Variants in BTBD16 observed in about 807,000 individuals in gnomAD.
BTBD16 encodes the protein BTB domain containing 16, also known as BTB/POZ domain-containing protein 16.
In BTBD16, 66 loss-of-function variants were observed where a neutral mutation model predicts 67.4. That is an observed-to-expected ratio of 0.98 (90% CI 0.80 to 1.20). The LOEUF is 1.20. Among genes scored for constraint, BTBD16 ranks in the 50% most tolerant of loss-of-function variants. BTBD16 has a pLI of 0.00. For synonymous variants in BTBD16, 242 were observed against 236.4 expected, an observed-to-expected ratio of 1.02 and a Z score of -0.22; for missense variants, 634 against 616.0, an observed-to-expected ratio of 1.03 and a Z score of -0.31.
At chr10:122,278,396 C>T (rs1462143270) in intron 3 of BTBD16, among the ~76,000 whole-genome samples, 2 of 152,170 alleles carry the variant, frequency 1.3e-5, no homozygotes, top group Non-Finnish European at 2.9e-5. Context: ...CCTCATCTTT[C>T]AAATGGTTAT....
chr10:122,289,316 G>A (rs56707544), intron 5 of BTBD16, among the ~76,000 whole-genome samples: 16,757 of 152,178 alleles, frequency 0.11, 1,594 homozygotes, highest in African/African-American at 0.26. Context: ...TCAGTTTCTC[G>A]GTTTTGACCA....
In BTBD16 at chr10:122,290,016, T is replaced by C. The variant is rs2096371029; in HGVS notation, c.475+18T>C. On this transcript the variant is annotated intron_variant, in intron 6 of 15. Coordinates refer to ENST00000260723, the MANE Select transcript of BTBD16 (RefSeq NM_144587.5). ...TAAAGTCGGTATGTATATACCCGTC[T>C]ATATTCTGAGAATGCCATTGAACAA... 6.6e-7 allele frequency: 1 copy of C among 1,511,478 alleles called. No individual in the cohort carries two copies. The highest frequency in any genetic ancestry group is 9.1e-7 in the Non-Finnish European group (1 of 1,094,636). The allele number at this position is 1,511,478 out of a possible 1,614,324, so 93.6% of individuals were successfully genotyped here.
intron 7 of BTBD16, among the ~76,000 whole-genome samples, chr10:122,293,518 G>A (rs554466316): frequency 6.6e-6 from 1 of 152,188 alleles, no homozygotes; most frequent in South Asian, 2.1e-4. Flanking sequence ...TGGTCAGACT[G>A]TGGGGTTAGG....
chr10:122,308,346 G>A (rs1308289116), intron 10 of BTBD16, among the ~76,000 whole-genome samples: 2 of 152,088 alleles, frequency 1.3e-5, no homozygotes, highest in East Asian at 3.9e-4. Context: ...GCAGGCACAG[G>A]GGTGTTTCTC....
chr10:122,277,650 G>A (rs924179730), intron 3 of BTBD16, among the ~76,000 whole-genome samples: 4 of 152,054 alleles, frequency 2.6e-5, no homozygotes, highest in Non-Finnish European at 5.9e-5. Context: ...GCAAGAGAGA[G>A]GAGAGAGGGG....
intron 1 of BTBD16, among the ~76,000 whole-genome samples, chr10:122,273,600 T>C (rs2096334029): frequency 6.6e-6 from 1 of 152,006 alleles, no homozygotes; most frequent in Non-Finnish European, 1.5e-5. Flanking sequence ...ATTAAAAAAT[T>C]AGCCAGGTGT....
At chr10:122,286,776 G>T (rs1261985504) in intron 5 of BTBD16, among the ~76,000 whole-genome samples, 3 of 151,994 alleles carry the variant, frequency 2.0e-5, no homozygotes, top group African/African-American at 7.3e-5. Context: ...CCTTATTCCA[G>T]AAAGAATGTA....
intron 10 of BTBD16, among the ~76,000 whole-genome samples, chr10:122,314,147 A>G (rs997666211): frequency 1.3e-5 from 2 of 152,194 alleles, no homozygotes; most frequent in Non-Finnish European, 2.9e-5. Context: ...ATGTAGATCA[A>G]TTTGGGGAAA....
At chr10:122,272,504 G>C (rs2096331027) in intron 1 of BTBD16, among the ~76,000 whole-genome samples, 2 of 152,104 alleles carry the variant, frequency 1.3e-5, no homozygotes, top group South Asian at 2.1e-4. Context: ...ACCACACCCA[G>C]CTAATTTTGT....
At chr10:122,310,912 G>T (rs1189811471) in intron 10 of BTBD16, among the ~76,000 whole-genome samples, 1 of 152,160 alleles carries the variant, frequency 6.6e-6, no homozygotes, top group Non-Finnish European at 1.5e-5. Context: ...CATGGCCTTG[G>T]CTGGCCCAGA....
intron 10 of BTBD16, among the ~76,000 whole-genome samples, chr10:122,320,223 G>C (rs185890448): frequency 6.6e-6 from 1 of 152,136 alleles, no homozygotes; most frequent in Admixed American, 6.5e-5. Context: ...ACAATATTCA[G>C]TACATTGTTG....
At chr10:122,277,124 T>C (rs1400941133) in intron 3 of BTBD16, among the ~76,000 whole-genome samples, 185 bp downstream of exon 3, 1 of 151,848 alleles carries the variant, frequency 6.6e-6, no homozygotes, top group African/African-American at 2.4e-5. Context: ...TCTGAGAATG[T>C]GGGTGGTTAC....
intron 3 of BTBD16, among the ~76,000 whole-genome samples, chr10:122,278,778 T>C (rs1486107118): frequency 6.6e-6 from 1 of 152,228 alleles, no homozygotes; most frequent in Non-Finnish European, 1.5e-5. Flanking sequence ...CAGCAGATAC[T>C]CTCAGGTGTT....
At position 122,337,946 on chromosome 10, in the gene BTBD16, C is replaced by T; in HGVS notation, c.1453-71C>T. 2.3e-6 allele frequency: 3 copies of T among 1,315,330 alleles called. No individual in the cohort carries two copies. In the South Asian group the frequency reaches 3.8e-5, roughly 16 times the overall value. The allele number at this position is 1,315,330 out of a possible 1,614,324, so 81.5% of individuals were successfully genotyped here. On this transcript the variant is annotated intron_variant, in intron 15 of 15. Transcript: ENST00000260723. ...TTTTCTACAACTGTTAGTCCTTCCT[C>T]TTTCCCCTTCTGGGGGGCAATTGTG...
At chr10:122,291,861 G>A (rs755751804) in intron 7 of BTBD16, among the ~76,000 whole-genome samples, 6 of 152,170 alleles carry the variant, frequency 3.9e-5, no homozygotes, top group Non-Finnish European at 1.5e-5. Flanking sequence ...CATCGGGAGG[G>A]TTCATCAGGG....
intron 14 of BTBD16, 90 bp downstream of exon 14, chr10:122,335,069 C>A: frequency 1.5e-6 from 1 of 654,076 alleles, no homozygotes; most frequent in Non-Finnish European, 2.6e-6. Flanking sequence ...ATTGATTCAT[C>A]ATTAATTACT....
intron 12 of BTBD16, 171 bp from the exon 13 acceptor site, chr10:122,332,265 T>G (rs552176769): frequency 1.6e-6 from 1 of 615,898 alleles, no homozygotes; most frequent in South Asian, 2.0e-5. Flanking sequence ...CACAGTAAGT[T>G]TTCAATAAAT....
Position 122,329,503 on chromosome 10 carries a change from T to C in BTBD16, c.935T>C (p.Leu312Pro). The C allele has an allele frequency of 6.2e-7, 1 of 1,613,986 alleles. No homozygotes were observed. Among genetic ancestry groups the C allele is most frequent in the Non-Finnish European group, 8.5e-7 (1 of 1,180,022 alleles). The change falls in exon 11 of 16, where the codon CTG becomes CCG. Residue 312 changes from leucine (L) to proline (P), a missense_variant. Transcript: ENST00000260723. ...AGCTTTCCTGAGAACTGTTGCTTTC[T>C]GGACCGGGACATAGGACGGAGCTTG... The part of the protein sequence containing the change: ...FKSFPENCCF[L>P]DRDIGRSLRP...
intron 10 of BTBD16, among the ~76,000 whole-genome samples, chr10:122,310,322 C>T (rs1327633601): frequency 4.6e-5 from 7 of 152,146 alleles, no homozygotes; most frequent in Admixed American, 2.0e-4. Context: ...GGCTTGGTGG[C>T]GCCCTGGGTC....
Sources: allele counts gnomAD v4.1 joint callset (sites outside exome capture counted in the v4.1 genomes callset), GRCh38; gene constraint gnomAD v4.1.1; transcripts MANE v1.5; gene names NCBI Gene and HGNC (gene_info 2026-07-23, HGNC 2026-07-21).